The following BACE1 variants were observed in gnomAD, a reference collection of about 807,000 sequenced individuals.
The protein encoded by BACE1 is beta-secretase 1, also known as APP beta-secretase.
A neutral mutation model predicts 54.0 loss-of-function variants in BACE1; 21 were observed. That is an observed-to-expected ratio of 0.39 (90% confidence interval 0.28 to 0.56). The LOEUF (loss-of-function observed/expected upper bound fraction) is 0.56. Among genes scored for constraint, BACE1 ranks in the 20% least tolerant of loss-of-function variants. The probability of loss-of-function intolerance (pLI) is 0.63; values close to 1 mark genes in which losing one functional copy is unlikely to be tolerated. For synonymous variants in BACE1, 232 were observed against 260.9 expected (o/e 0.89, Z 1.07); for missense variants, 511 against 661.2 (o/e 0.77, Z 2.49).
chr11:117,311,523 T>G (rs1262337331), intron 1 of BACE1, among the ~76,000 whole-genome samples: 1 of 152,186 alleles, frequency 6.6e-6, no homozygotes. Flanking sequence ...CTCTGCATCC[T>G]GCCCTTCCTT....
intron 2 of BACE1, 127 bp from the exon 3 acceptor site, chr11:117,295,474 T>C: frequency 6.5e-7 from 1 of 1,537,770 alleles, no homozygotes; most frequent in Non-Finnish European, 8.7e-7. Context: ...TTCAGGCTGC[T>C]CAGCAAAACA....
At chr11:117,305,385 C>G (rs1033034605) in intron 1 of BACE1, among the ~76,000 whole-genome samples, 2 of 152,132 alleles carry the variant, frequency 1.3e-5, no homozygotes, top group Non-Finnish European at 2.9e-5. Context: ...TGTCCAGGTT[C>G]CTCCCACCTT....
rs1233273342 is a variant in BACE1, at chr11:117,288,338, A to G, written c.*1228T>C. ...GTCAAATAAATGGAGGGGCCATTAG[A>G]GAGGGTAGGAAGGCAATGAAACCAC... is the stretch of plus-strand genomic sequence containing the variant. On this transcript the variant is annotated 3_prime_UTR_variant, in exon 9 of 9. Transcript: ENST00000313005. 3.3e-5 allele frequency: 5 copies of G among 152,488 alleles called. No homozygotes were observed. Among genetic ancestry groups the G allele is most frequent in the Non-Finnish European group, 7.3e-5 (5 of 68,054 alleles). 9.4% of individuals were successfully genotyped at this position (152,488 alleles called of 1,614,324 possible).
chr11:117,315,565 C>T lies in BACE1; in HGVS notation c.231G>A (p.Val77=), dbSNP rs941143468. ...LRGKSGQGYY[V]EMTVGSPPQT... ...GCGGGGGGCTGCCCACGGTCATCTCCACGTAGTAGCCCTGCCCCGACTTGC... is the reference window on the plus strand; with the variant it reads ...GCGGGGGGCTGCCCACGGTCATCTCTACGTAGTAGCCCTGCCCCGACTTGC... The change falls in exon 1 of 9, where the codon GTG becomes GTA. Residue 77 remains valine, a synonymous_variant. Transcript: ENST00000313005. This position sits in a 1 kb window ranked among gnomAD's most constrained non-coding sequence, Gnocchi z 5.5. 9 of 1,589,572 alleles carry T rather than the reference C, an allele frequency of 5.7e-6. No individual in the cohort carries two copies. Among genetic ancestry groups the T allele is most frequent in the African/African-American group, 1.4e-5 (1 of 72,130 alleles).
intron 1 of BACE1, among the ~76,000 whole-genome samples, chr11:117,304,890 ATT>A (rs373918923): frequency 6.8e-6 from 1 of 146,096 alleles, no homozygotes; most frequent in African/African-American, 2.5e-5. Context: ...CTCCGTAATG[ATT>A]TTTTTTTTAA....
Position 117,293,430 on chromosome 11 carries a change from A to G in BACE1, c.706-242T>C. On this transcript the variant is annotated intron_variant, in intron 4 of 8. Transcript: ENST00000313005. This position sits in a 1 kb window ranked among gnomAD's most constrained non-coding sequence, Gnocchi z 4.1. The stretch of plus-strand genomic sequence containing the variant: ...GTTTCAGAATCATACAGCCCTTGAT[A>G]TAAAGTTATTTAAATCTAAACTGCC... 2 of 367,560 alleles carry G rather than the reference A, an allele frequency of 5.4e-6. No individual in the cohort carries two copies. The highest frequency in any genetic ancestry group is 9.6e-6 in the Non-Finnish European group (2 of 209,152). The allele number at this position is 367,560 out of a possible 1,614,324, so 22.8% of individuals were successfully genotyped here.
At position 117,290,523 on chromosome 11, in the gene BACE1, C is replaced by A; in HGVS notation, c.1229G>T (p.Arg410Leu). 1 of 1,614,182 alleles carries A rather than the reference C, an allele frequency of 6.2e-7. No individual in the cohort carries two copies. ...EGFYVVFDRARKRIGFAVSAC... is the reference protein window; with the variant it reads ...EGFYVVFDRALKRIGFAVSAC... ...GCTGACAGCAAAGCCAATTCGTTTT[C>A]GGGCCCGATCAAAGACAACGTAGAA... The change falls in exon 8 of 9, where the codon CGA becomes CTA. Residue 410 changes from arginine (R) to leucine (L), a missense_variant. Coordinates refer to ENST00000313005, the MANE Select transcript of BACE1 (RefSeq NM_012104.6).
intron 1 of BACE1, among the ~76,000 whole-genome samples, chr11:117,313,424 C>T (rs562747595): frequency 1.3e-5 from 2 of 152,136 alleles, no homozygotes; most frequent in South Asian, 2.1e-4. Flanking sequence ...ATGGATACCC[C>T]GTTTTTGTTT....
Position 117,315,690 on chromosome 11 carries a change from CCCCCAGGCCGCTGCGCAGGGG to C in BACE1, c.85_105del (p.Pro29_Gly35del). On this transcript the variant is annotated inframe_deletion, in exon 1 of 9. Transcript: ENST00000313005. This position sits in a 1 kb window ranked among gnomAD's most constrained non-coding sequence, Gnocchi z 5.5. ...GGCAGCCGCAGCCCCAGGGGGGCGC[CCCCCAGGCCGCTGCGCAGGGG>C]CAGCCGGATGCCGTGCTGGGTGCCG... is the stretch of plus-strand genomic sequence containing the variant. The C allele has an allele frequency of 6.6e-7, 1 of 1,513,986 alleles. No individual in the cohort carries two copies. The highest frequency in any genetic ancestry group is 8.8e-7 in the Non-Finnish European group (1 of 1,133,624). The allele number at this position is 1,513,986 out of a possible 1,614,324, so 93.8% of individuals were successfully genotyped here. A position where few individuals can be genotyped will look rare whatever the true frequency, so the allele number is the denominator to read the frequency against.
intron 3 of BACE1, 48 bp from the exon 4 acceptor site, chr11:117,294,056 CAG>C: frequency 1.9e-6 from 3 of 1,582,552 alleles, no homozygotes; most frequent in Non-Finnish European, 2.6e-6. Context: ...GCCCTAAAGG[CAG>C]AGGCCAGCTT....
At chr11:117,313,393 G>C (rs903071565) in intron 1 of BACE1, among the ~76,000 whole-genome samples, 3 of 152,146 alleles carry the variant, frequency 2.0e-5, no homozygotes, top group African/African-American at 7.2e-5. Flanking sequence ...CATTATTTCA[G>C]GGGATCAGGG....
intron 1 of BACE1, among the ~76,000 whole-genome samples, chr11:117,301,794 A>G (rs965164231): frequency 3.3e-5 from 5 of 152,164 alleles, no homozygotes; most frequent in African/African-American, 9.7e-5. Context: ...CAGTGCATCA[A>G]CAAGTCCTGT....
chr11:117,289,917 A>G, intron 8 of BACE1, 110 bp from the exon 9 acceptor site: 9 of 952,890 alleles, frequency 9.4e-6, no homozygotes, highest in South Asian at 1.6e-5. Context: ...AAGTTATCTA[A>G]TCTCCTTCCC....
Position 117,315,738 on chromosome 11 carries a change from G to C in BACE1, c.58C>G (p.His20Asp). ...AGCCGGATGCCGTGCTGGGTGCCGT[G>C]GGCAGGCAGCACTCCCGCGCCCATC... ...LWMGAGVLPA[H>D]GTQHGIRLPL... The change falls in exon 1 of 9, where the codon CAC becomes GAC. Residue 20 changes from histidine (H) to aspartate (D), a missense_variant. Physicochemically the swap from His to Asp is moderately conservative, Grantham distance 81. Transcript: ENST00000313005. The surrounding 1 kb of genome is among the most constrained non-coding windows in gnomAD (Gnocchi z 5.5). 6.8e-7 allele frequency: 1 copy of C among 1,476,816 alleles called. No homozygotes were observed. Among genetic ancestry groups the C allele is most frequent in the South Asian group, 1.3e-5 (1 of 74,090 alleles). 91.5% of individuals were successfully genotyped at this position (1,476,816 alleles called of 1,614,324 possible).
intron 1 of BACE1, among the ~76,000 whole-genome samples, chr11:117,311,954 A>G (rs2034952110): frequency 6.6e-6 from 1 of 152,200 alleles, no homozygotes; most frequent in Admixed American, 6.5e-5. Flanking sequence ...TCTTTTTAAA[A>G]TTCAGATGTC....
At position 117,315,862 on chromosome 11, in the gene BACE1, C is replaced by T; in HGVS notation, c.-67G>A. 7.3e-7 allele frequency: 1 copy of T among 1,365,162 alleles called. No individual in the cohort carries two copies. Among genetic ancestry groups the T allele is most frequent in the Admixed American group, 4.0e-5 (1 of 24,992 alleles). 84.6% of individuals were successfully genotyped at this position (1,365,162 alleles called of 1,614,324 possible). ...CACGTCCGTCCCTGGCGCCTGCCCC[C>T]AAGTCTGGGTGGTGCTGGTGGCTTC... On this transcript the variant is annotated 5_prime_UTR_variant, in exon 1 of 9. Coordinates refer to ENST00000313005, the MANE Select transcript of BACE1 (RefSeq NM_012104.6). The surrounding 1 kb of genome is among the most constrained non-coding windows in gnomAD (Gnocchi z 5.5).
chr11:117,314,685 C>T (rs935514951), intron 1 of BACE1: 3 of 152,582 alleles, frequency 2.0e-5, no homozygotes, highest in Admixed American at 6.5e-5. Flanking sequence ...GGCTGCTCAC[C>T]CACAGAGGTG....
intron 1 of BACE1, among the ~76,000 whole-genome samples, chr11:117,309,175 C>T (rs676134): frequency 0.52 from 79,155 of 151,956 alleles, 22,145 homozygotes; most frequent in African/African-American, 0.71. Context: ...TTCAGGCCCC[C>T]GTATCCTGAG....
intron 1 of BACE1, among the ~76,000 whole-genome samples, chr11:117,312,560 T>A (rs190400086): frequency 0.021 from 3,147 of 152,212 alleles, 101 homozygotes; most frequent in South Asian, 0.13. Context: ...TCTCCTGGGT[T>A]CAAGCAATTC....
Sources: allele counts gnomAD v4.1 joint callset (sites outside exome capture counted in the v4.1 genomes callset), GRCh38; gene constraint gnomAD v4.1.1; non-coding constraint Gnocchi (gnomAD v3.1); transcripts MANE v1.5; gene names NCBI Gene and HGNC (gene_info 2026-07-23, HGNC 2026-07-21).